QKI: variants seen among roughly 807,000 people sequenced by gnomAD.
The protein encoded by QKI is QKI, KH domain containing RNA binding, also known as KH domain-containing RNA-binding protein QKI.
A neutral mutation model predicts 39.0 loss-of-function variants in QKI; 10 were observed. That is an observed-to-expected ratio of 0.26 (90% CI 0.16 to 0.43). The LOEUF is 0.43. QKI is among the 20% of genes least tolerant of loss of function. QKI has a pLI of 1.00. For synonymous variants in QKI, 204 were observed against 155.4 expected, an observed-to-expected ratio of 1.31 and a Z score of -2.33; for missense variants, 218 against 428.0, an observed-to-expected ratio of 0.51 and a Z score of 4.33.
At chr6:163,438,604 A>T (rs1251960719) in intron 1 of QKI, among the ~76,000 whole-genome samples, 1 of 152,206 alleles carries the variant, frequency 6.6e-6, no homozygotes, top group Non-Finnish European at 1.5e-5. Context: ...GTATTTGTGT[A>T]AACGTAGAAA....
intron 3 of QKI, among the ~76,000 whole-genome samples, chr6:163,515,413 G>A (rs1258182354): frequency 1.3e-5 from 2 of 152,022 alleles, no homozygotes; most frequent in African/African-American, 4.8e-5. Context: ...TGGAAGATGG[G>A]AATGAGGATA....
chr6:163,521,224 G>C (rs2128237628), intron 3 of QKI, among the ~76,000 whole-genome samples: 1 of 152,218 alleles, frequency 6.6e-6, no homozygotes, highest in Non-Finnish European at 1.5e-5. Context: ...AGCTATACCT[G>C]CTGCCACCTG....
intron 4 of QKI, among the ~76,000 whole-genome samples, chr6:163,559,346 TATA>T (rs1782848398): frequency 6.6e-6 from 1 of 152,220 alleles, no homozygotes; most frequent in Non-Finnish European, 1.5e-5. Flanking sequence ...GAGTATAATT[TATA>T]ATACTTTTGG....
chr6:163,545,422 A>G (rs1205959049), intron 4 of QKI, among the ~76,000 whole-genome samples: 1 of 152,154 alleles, frequency 6.6e-6, no homozygotes, highest in African/African-American at 2.4e-5. Context: ...GCCAAGGTAT[A>G]GGTTTTAAGA....
intron 2 of QKI, 85 bp from the exon 3 acceptor site, chr6:163,478,695 G>T (rs1792819462): frequency 3.5e-6 from 3 of 846,308 alleles, no homozygotes; most frequent in Admixed American, 2.6e-5. Context: ...ACTTCAGTAA[G>T]TAAATGTAGA....
intron 3 of QKI, among the ~76,000 whole-genome samples, chr6:163,486,190 A>G (rs1047480568): frequency 2.0e-5 from 3 of 152,358 alleles, no homozygotes; most frequent in East Asian, 3.9e-4. Flanking sequence ...GCTCATTTCT[A>G]CCTGAAGAGT....
intron 3 of QKI, among the ~76,000 whole-genome samples, chr6:163,516,136 C>T (rs1779779389): frequency 6.6e-6 from 1 of 152,042 alleles, no homozygotes; most frequent in Admixed American, 6.6e-5. Flanking sequence ...TAATGTCTTT[C>T]CTTAGGAGTG....
At chr6:163,483,038 C>A (rs1793199099) in intron 3 of QKI, among the ~76,000 whole-genome samples, 1 of 152,142 alleles carries the variant, frequency 6.6e-6, no homozygotes. Flanking sequence ...CAAACAGGTT[C>A]CAGACCACCA....
chr6:163,444,342 C>T (rs1383964661), intron 1 of QKI, among the ~76,000 whole-genome samples: 3 of 152,176 alleles, frequency 2.0e-5, no homozygotes, highest in African/African-American at 7.2e-5. Context: ...AGTTTGAAGG[C>T]ACACAGCTCA....
intron 3 of QKI, among the ~76,000 whole-genome samples, chr6:163,533,445 A>C (rs2128240862): frequency 6.6e-6 from 1 of 152,344 alleles, no homozygotes; most frequent in African/African-American, 2.4e-5. Context: ...TTATTTGTAA[A>C]TAACCACATT....
intron 3 of QKI, among the ~76,000 whole-genome samples, chr6:163,484,212 T>C (rs1423438838): frequency 1.3e-5 from 2 of 151,982 alleles, no homozygotes; most frequent in Non-Finnish European, 2.9e-5. Flanking sequence ...TTTTTTTTTT[T>C]TTCTTTTTAA....
chr6:163,488,261 T>C (rs1188047225), intron 3 of QKI, among the ~76,000 whole-genome samples: 1 of 152,088 alleles, frequency 6.6e-6, no homozygotes, highest in Non-Finnish European at 1.5e-5. Flanking sequence ...GTCTGCACTC[T>C]TGTGAGAATT....
chr6:163,499,163 C>A (rs1162074055), intron 3 of QKI, among the ~76,000 whole-genome samples: 1 of 152,148 alleles, frequency 6.6e-6, no homozygotes, highest in Admixed American at 6.6e-5. Context: ...GATGCTCAAT[C>A]TGGGCTCAAT....
At chr6:163,561,219 T>G (rs189534027) in intron 4 of QKI, among the ~76,000 whole-genome samples, 1 of 152,202 alleles carries the variant, frequency 6.6e-6, no homozygotes, top group Non-Finnish European at 1.5e-5. Context: ...AATCAAATCT[T>G]GTATGTTTAA....
In QKI at chr6:163,566,137, T is replaced by C. The variant is rs1783351098; in HGVS notation, c.935-584T>C. The C allele has an allele frequency of 3.5e-6, 5 of 1,418,994 alleles. No individual in the cohort carries two copies. In the East Asian group the frequency reaches 1.3e-4, roughly 36 times the overall value. The allele number at this position is 1,418,994 out of a possible 1,614,324, so 87.9% of individuals were successfully genotyped here. On this transcript the variant is annotated intron_variant, in intron 6 of 7. Coordinates refer to ENST00000361752, the MANE Select transcript of QKI (RefSeq NM_006775.3). ...ATTATGTTATTAATTTGGTTTAGTC[T>C]GTAATATTACACAGTAATGGTAATT... is the stretch of plus-strand genomic sequence containing the variant.
intron 3 of QKI, among the ~76,000 whole-genome samples, chr6:163,529,449 T>C (rs961302575): frequency 6.6e-6 from 1 of 152,186 alleles, no homozygotes; most frequent in Non-Finnish European, 1.5e-5. Flanking sequence ...AGTGAGATGA[T>C]TCTGATATTC....
intron 4 of QKI, among the ~76,000 whole-genome samples, chr6:163,537,803 C>A (rs185225721): frequency 4.5e-4 from 68 of 152,286 alleles, no homozygotes; most frequent in African/African-American, 1.5e-3. Flanking sequence ...TGTATCAGAA[C>A]CCCACAACTG....
intron 3 of QKI, among the ~76,000 whole-genome samples, chr6:163,486,661 A>G (rs902730982): frequency 6.6e-6 from 1 of 152,218 alleles, no homozygotes. Flanking sequence ...TCTCAAGAAA[A>G]TTAAAGGCTC....
In QKI at chr6:163,414,927, G is replaced by C. The variant is rs1027366977; in HGVS notation, c.-267G>C. On this transcript the variant is annotated 5_prime_UTR_variant, in exon 1 of 8. Transcript: ENST00000361752. ...GAGACCCGCCTCCCGCCCGCCCGCC[G>C]GCCTCGTGAGGGACGCGCCGAGCCG... 4 of 151,590 alleles carry C rather than the reference G, an allele frequency of 2.6e-5. No individual in the cohort carries two copies. Among genetic ancestry groups the C allele is most frequent in the Admixed American group, 1.4e-4 (2 of 14,730 alleles). The allele number at this position is 151,590 out of a possible 1,614,324, so 9.4% of individuals were successfully genotyped here.
Sources: allele counts gnomAD v4.1 joint callset (sites outside exome capture counted in the v4.1 genomes callset), GRCh38; gene constraint gnomAD v4.1.1; transcripts MANE v1.5; gene names NCBI Gene and HGNC (gene_info 2026-07-23, HGNC 2026-07-21).